Variants in RAF1 observed in about 807,000 individuals in gnomAD.
RAF1 encodes Raf-1 proto-oncogene, serine/threonine kinase.
Under a neutral mutation model 81.1 loss-of-function variants are expected in RAF1, and 27 were observed. That is an observed-to-expected ratio of 0.33 (90% CI 0.25 to 0.46). RAF1 has a LOEUF of 0.46. RAF1 is among the 20% of genes least tolerant of loss of function. The pLI is 1.00. For synonymous variants in RAF1, 298 were observed against 294.0 expected (o/e 1.01, Z -0.14); for missense variants, 598 against 826.0 (o/e 0.72, Z 3.38).
chr3:12,623,477 C>T (rs1193096056), intron 1 of RAF1, among the ~76,000 whole-genome samples: 3 of 152,172 alleles, frequency 2.0e-5, no homozygotes, highest in African/African-American at 7.2e-5. Flanking sequence ...TTTTCTATCT[C>T]CATATCAAGA....
chr3:12,625,731 A>G lies in RAF1; in HGVS notation c.-26-6984T>C, dbSNP rs146677677. Among the ~76,000 whole-genome samples, 470 of 152,244 alleles carry G rather than the reference A, an allele frequency of 3.1e-3. 1 individual carries two copies. The highest frequency in any genetic ancestry group is 5.2e-3 in the Non-Finnish European group (356 of 68,006). On this transcript the variant is annotated intron_variant, in intron 1 of 17. Coordinates refer to ENST00000442415, the MANE Select transcript of RAF1 (RefSeq NM_001354689.3). ...CCCCCAGCTACTTAAGAGGCTACTC[A>G]GGATTTCCTGAGGCCAGGAGTTCGA...
At chr3:12,590,769 C>G in intron 13 of RAF1, 29 bp downstream of exon 12, 1 of 1,595,362 alleles carries the variant, frequency 6.3e-7, no homozygotes, top group Non-Finnish European at 8.6e-7. Context: ...ATGCCTGGGT[C>G]CCAGAGAGGC....
chr3:12,617,863 A>G (rs1213878704), intron 2 of RAF1, among the ~76,000 whole-genome samples: 2 of 138,014 alleles, frequency 1.4e-5, no homozygotes, highest in Non-Finnish European at 3.0e-5. Context: ...TGGGTGACAG[A>G]GTGAGAATCC....
At chr3:12,628,384 G>A (rs111471240) in intron 1 of RAF1, among the ~76,000 whole-genome samples, 12 of 152,052 alleles carry the variant, frequency 7.9e-5, no homozygotes, top group Admixed American at 1.3e-4. Context: ...AAAACTAGCC[G>A]GGTGTGGTGG....
intron 1 of RAF1, among the ~76,000 whole-genome samples, chr3:12,660,079 A>G (rs1378164751): frequency 6.6e-6 from 1 of 152,206 alleles, no homozygotes; most frequent in Non-Finnish European, 1.5e-5. Context: ...TTAACTTCCA[A>G]GAAGTATGAA....
chr3:12,588,860 T>C (rs932395429), intron 13 of RAF1: 4 of 152,186 alleles, frequency 2.6e-5, no homozygotes, highest in African/African-American at 7.2e-5. Flanking sequence ...GGCAGGTGTT[T>C]GGGTCATGGG....
intron 1 of RAF1, among the ~76,000 whole-genome samples, chr3:12,630,498 C>G (rs1191569830): frequency 2.0e-5 from 3 of 152,092 alleles, no homozygotes; most frequent in African/African-American, 7.2e-5. Flanking sequence ...AGGCAGACTG[C>G]AATTACATAG....
intron 1 of RAF1, among the ~76,000 whole-genome samples, chr3:12,651,877 C>T (rs1429112377): frequency 2.7e-5 from 4 of 150,684 alleles, no homozygotes; most frequent in Non-Finnish European, 4.4e-5. Flanking sequence ...GGTGTGGTGG[C>T]GCATGCCTGT....
intron 1 of RAF1, among the ~76,000 whole-genome samples, chr3:12,642,294 CAA>C (rs112792127): frequency 0.23 from 31,026 of 135,624 alleles, 3,504 homozygotes; most frequent in African/African-American, 0.3. Context: ...ACTAAAAATA[CAA>C]AAAAAAAAAA....
intron 5 of RAF1, among the ~76,000 whole-genome samples, chr3:12,607,467 C>T (rs1575579925): frequency 6.6e-6 from 1 of 151,938 alleles, no homozygotes; most frequent in South Asian, 2.1e-4. Context: ...GGGCAACATG[C>T]TGAAACCCCG....
intron 1 of RAF1, among the ~76,000 whole-genome samples, chr3:12,646,996 T>C (rs1040856723): frequency 6.6e-6 from 1 of 151,054 alleles, no homozygotes; most frequent in Non-Finnish European, 1.5e-5. Context: ...TTAAAGTCAT[T>C]ATTAAAATCT....
intron 13 of RAF1, 136 bp downstream of exon 12, chr3:12,590,662 C>T (rs2058484675): frequency 9.5e-7 from 1 of 1,049,002 alleles, no homozygotes; most frequent in East Asian, 2.5e-5. Flanking sequence ...ATTGGCCCCT[C>T]CAGCCCAGGC....
chr3:12,590,998 G>A, intron 12 of RAF1, 24 bp from the exon 12 acceptor site: 1 of 1,583,654 alleles, frequency 6.3e-7, no homozygotes. Context: ...GGGAAGAGAG[G>A]AGAGGGAGGA....
chr3:12,657,820 G>A (rs2060745075), intron 1 of RAF1, among the ~76,000 whole-genome samples: 1 of 149,868 alleles, frequency 6.7e-6, no homozygotes, highest in Non-Finnish European at 1.5e-5. Context: ...CACAGTTGTG[G>A]ATCCATCTCC....
Position 12,600,254 on chromosome 3 carries a change from G to T in RAF1, c.948C>A (p.Ser316Arg), listed in dbSNP as rs750078146. The change falls in exon 10 of 18, where the codon AGC becomes AGA. Residue 316 changes from serine to arginine, a missense_variant. By Grantham distance (110) the Ser-to-Arg change is moderately radical. This residue lies in a region of RAF1 where 194 missense variants were observed against 202.7 expected (regional missense o/e 0.96). Coordinates refer to ENST00000442415, the MANE Select transcript of RAF1 (RefSeq NM_001354689.3). ...AGCCTGTTGGGCTCAGATTGTTGGG[G>T]CTACTGGACAGGGCTGAAGGTGAGG... is the stretch of plus-strand genomic sequence containing the variant. 1.2e-6 allele frequency: 2 copies of T among 1,614,212 alleles called. No homozygotes were observed. Among genetic ancestry groups the T allele is most frequent in the African/African-American group, 1.3e-5 (1 of 75,054 alleles).
At chr3:12,657,031 G>A (rs539543585) in intron 1 of RAF1, among the ~76,000 whole-genome samples, 2 of 150,958 alleles carry the variant, frequency 1.3e-5, no homozygotes, top group South Asian at 4.2e-4. Context: ...ATAGATAAAA[G>A]TAAGGAAATG....
intron 3 of RAF1, among the ~76,000 whole-genome samples, chr3:12,610,191 G>A (rs1023905555): frequency 6.6e-6 from 1 of 152,086 alleles, no homozygotes; most frequent in African/African-American, 2.4e-5. Context: ...TTTTCCAAAG[G>A]AAGAATATTC....
chr3:12,633,956 A>C (rs868145981), intron 1 of RAF1, among the ~76,000 whole-genome samples: 2 of 151,854 alleles, frequency 1.3e-5, no homozygotes, highest in South Asian at 4.2e-4. Context: ...AAAAAACAAA[A>C]AAAATCAGGA....
chr3:12,585,402 A>T, intron 15 of RAF1, 149 bp from the exon 15 acceptor site: 2 of 1,533,042 alleles, frequency 1.3e-6, no homozygotes, highest in Non-Finnish European at 1.7e-6. Flanking sequence ...ACTCCAACTC[A>T]GGCACTGGTT....
Sources: gnomAD v4.1 joint callset for allele counts (sites outside exome capture counted in the v4.1 genomes callset) on GRCh38, gnomAD v4.1.1 for gene constraint, gnomAD v4.1.1 regional missense constraint, MANE v1.5 for transcripts, NCBI Gene and HGNC (gene_info 2026-07-23, HGNC 2026-07-21) for gene names.